LMX1B: variants seen among roughly 807,000 people sequenced by gnomAD.
LMX1B encodes the protein LIM homeobox transcription factor 1 beta, also known as LIM homeobox transcription factor 1-beta.
In LMX1B, 12 loss-of-function variants were observed where a neutral mutation model predicts 51.4. That is an observed-to-expected ratio of 0.23 (90% CI 0.15 to 0.38). The LOEUF (loss-of-function observed/expected upper bound fraction) is 0.38. Ranked by LOEUF, LMX1B falls within the 10% of genes least tolerant of loss-of-function variation. LMX1B has a pLI of 1.00. For missense variants in LMX1B, 445 were observed against 571.1 expected, an observed-to-expected ratio of 0.78 and a Z score of 2.25; for synonymous variants, 237 against 235.4, an observed-to-expected ratio of 1.01 and a Z score of -0.06.
rs10987415 is a variant in LMX1B at position 126,698,033 on chromosome 9, A to G, written c.*1582A>G. 0.4 allele frequency: 60,218 copies of G among 151,988 alleles called. 12,281 individuals are homozygous for G. Among genetic ancestry groups the G allele is most frequent in the East Asian group, 0.54 (2,776 of 5,156 alleles). 9.4% of individuals were successfully genotyped at this position (151,988 alleles called of 1,614,324 possible). A position where few individuals can be genotyped will look rare whatever the true frequency, so the allele number is the denominator to read the frequency against. ...TGAGATTACAGGCATGCGCCACCACACCCAGCTAATTTTGTATTTTTAGTA... is the reference window on the plus strand; with the variant it reads ...TGAGATTACAGGCATGCGCCACCACGCCCAGCTAATTTTGTATTTTTAGTA... On this transcript the variant is annotated 3_prime_UTR_variant, in exon 8 of 8. Coordinates refer to ENST00000373474, the MANE Select transcript of LMX1B (RefSeq NM_001174147.2).
chr9:126,619,986 T>A (rs1223100596), intron 2 of LMX1B, among the ~76,000 whole-genome samples: 4 of 152,176 alleles, frequency 2.6e-5, no homozygotes, highest in Admixed American at 2.6e-4. Flanking sequence ...AGTATTCTTA[T>A]AAGGACTTGA....
rs115378093 is a variant in LMX1B at position 126,688,379 on chromosome 9, A to C, written c.327-2457A>C. On this transcript the variant is annotated intron_variant, in intron 2 of 7. Transcript: ENST00000373474. Reference sequence around the variant, plus strand: ...TCCGGGAGTCACCCAAGGTGTGCTGACCCTGGCCTGGGACCCTGGGACCGT... The same window carrying C: ...TCCGGGAGTCACCCAAGGTGTGCTGCCCCTGGCCTGGGACCCTGGGACCGT... Among the ~76,000 whole-genome samples, 721 of 152,280 alleles carry C rather than the reference A, an allele frequency of 4.7e-3. 5 individuals are homozygous for C. Among genetic ancestry groups the C allele is most frequent in the African/African-American group, 0.017 (686 of 41,544 alleles).
chr9:126,674,764 C>G (rs1415261930), intron 2 of LMX1B, among the ~76,000 whole-genome samples: 3 of 152,190 alleles, frequency 2.0e-5, no homozygotes, highest in Admixed American at 6.5e-5. Flanking sequence ...CTCTGGTAAC[C>G]CACCCCCTCT....
intron 2 of LMX1B, among the ~76,000 whole-genome samples, chr9:126,619,771 C>A (rs192185796): frequency 6.6e-6 from 1 of 152,154 alleles, no homozygotes; most frequent in Non-Finnish European, 1.5e-5. Flanking sequence ...CTCGACTCCC[C>A]GGGCGCTGGG....
chr9:126,669,212 G>T (rs2118939852), intron 2 of LMX1B, among the ~76,000 whole-genome samples: 1 of 150,194 alleles, frequency 6.7e-6, no homozygotes, highest in South Asian at 2.1e-4. Flanking sequence ...GGACTGCCTG[G>T]ATGGTGAGGC....
intron 2 of LMX1B, among the ~76,000 whole-genome samples, chr9:126,635,175 C>T (rs767201653): frequency 1.8e-4 from 27 of 152,200 alleles, no homozygotes; most frequent in Non-Finnish European, 3.1e-4. Flanking sequence ...GGCTGGGGAG[C>T]TTCACCACCA....
At chr9:126,682,894 GAAAAAAAAAA>G (rs577172677) in intron 2 of LMX1B, among the ~76,000 whole-genome samples, 1 of 86,140 alleles carries the variant, frequency 1.2e-5, no homozygotes, top group Non-Finnish European at 2.2e-5. Context: ...CACTCTGTCT[GAAAAAAAAAA>G]AAAAAAAAAA....
At chr9:126,650,645 C>T (rs964437593) in intron 2 of LMX1B, among the ~76,000 whole-genome samples, 4 of 152,208 alleles carry the variant, frequency 2.6e-5, no homozygotes, top group African/African-American at 7.2e-5. Context: ...CCTGGCCTCT[C>T]GGCACTGCCC....
At position 126,698,719 on chromosome 9, in the gene LMX1B, C is replaced by T. The variant is rs1378278589; in HGVS notation, c.*2268C>T. 2 of 152,398 alleles carry T rather than the reference C, an allele frequency of 1.3e-5. No individual in the cohort carries two copies. The highest frequency in any genetic ancestry group is 4.8e-5 in the African/African-American group (2 of 41,452). 9.4% of individuals were successfully genotyped at this position (152,398 alleles called of 1,614,324 possible). On this transcript the variant is annotated 3_prime_UTR_variant, in exon 8 of 8. Transcript: ENST00000373474. ...TTGAGCAAGTAAGGATAATGAATGT[C>T]CCTTTTCCACCTTTGGGGCCCTCTG...
intron 2 of LMX1B, among the ~76,000 whole-genome samples, chr9:126,672,303 C>T (rs1248965350): frequency 1.3e-5 from 2 of 152,170 alleles, no homozygotes; most frequent in African/African-American, 4.8e-5. Flanking sequence ...CTTAGTTTCT[C>T]CCACGGAATA....
At chr9:126,621,258 T>C (rs1440849967) in intron 2 of LMX1B, among the ~76,000 whole-genome samples, 1 of 152,238 alleles carries the variant, frequency 6.6e-6, no homozygotes, top group Admixed American at 6.5e-5. Context: ...GATAGTCTAC[T>C]CATCCAAGGA....
At chr9:126,657,279 A>C (rs1836135604) in intron 2 of LMX1B, among the ~76,000 whole-genome samples, 1 of 152,232 alleles carries the variant, frequency 6.6e-6, no homozygotes, top group Non-Finnish European at 1.5e-5. Context: ...AAGAGAAATA[A>C]TGACATTTAA....
At chr9:126,672,829 G>A (rs1170313678) in intron 2 of LMX1B, among the ~76,000 whole-genome samples, 2 of 152,224 alleles carry the variant, frequency 1.3e-5, no homozygotes, top group Non-Finnish European at 2.9e-5. Flanking sequence ...CCTGGCAGGA[G>A]CTTCCCTCCC....
At chr9:126,687,418 CGGGGTT>C (rs551860280) in intron 2 of LMX1B, among the ~76,000 whole-genome samples, 54 of 152,040 alleles carry the variant, frequency 3.6e-4, no homozygotes, top group Non-Finnish European at 7.7e-4. Context: ...TTAGTAGAGA[CGGGGTT>C]TCACCATGTT....
In LMX1B at chr9:126,673,490, G is replaced by A. The variant is rs1350221448; in HGVS notation, c.327-17346G>A. On this transcript the variant is annotated intron_variant, in intron 2 of 7. Coordinates refer to ENST00000373474, the MANE Select transcript of LMX1B (RefSeq NM_001174147.2). The surrounding 1 kb of genome is among the most constrained non-coding windows in gnomAD (Gnocchi z 4.4). The stretch of plus-strand genomic sequence containing the variant: ...CAGGGCTCCCTCAGGTAGGGCAGAA[G>A]GTAGCTTTTGGCACCATCAGGGAGG... 1.3e-5 allele frequency among the ~76,000 whole-genome samples: 2 copies of A among 152,194 alleles called. No individual in the cohort carries two copies. Among genetic ancestry groups the A allele is most frequent in the African/African-American group, 4.8e-5 (2 of 41,456 alleles).
rs1342401825 is a variant in LMX1B, at chr9:126,614,257, C to T, written c.-193C>T. Among the ~76,000 whole-genome samples the T allele has an allele frequency of 6.9e-6, 1 of 145,910 alleles. No individual in the cohort carries two copies. The highest frequency in any genetic ancestry group is 2.5e-5 in the African/African-American group (1 of 40,734). On this transcript the variant is annotated 5_prime_UTR_variant, in exon 1 of 8. Coordinates refer to ENST00000373474, the MANE Select transcript of LMX1B (RefSeq NM_001174147.2). The stretch of plus-strand genomic sequence containing the variant: ...GAGAGCGCGGCGCGGGCTGCAGCCG[C>T]CCCGGCCCGCCCGCACGACGCCGGG...
rs1278362978 is a variant in LMX1B, at chr9:126,626,965, G to A, written c.326+11396G>A. On this transcript the variant is annotated intron_variant, in intron 2 of 7. Transcript: ENST00000373474. This position sits in a 1 kb window ranked among gnomAD's most constrained non-coding sequence, Gnocchi z 4.3. The stretch of plus-strand genomic sequence containing the variant: ...GCCGGTCCGTCCGGGCTCCTCTGCA[G>A]GGAAGAGGCCTTGGTCTTGGGGGAG... Among the ~76,000 whole-genome samples the A allele has an allele frequency of 6.6e-6, 1 of 152,210 alleles. No individual in the cohort carries two copies.
chr9:126,669,819 TC>T (rs1836417026), intron 2 of LMX1B, among the ~76,000 whole-genome samples: 1 of 152,098 alleles, frequency 6.6e-6, no homozygotes, highest in Admixed American at 6.5e-5. Context: ...AGCCCAAAGT[TC>T]CTCAGGATCT....
At chr9:126,635,315 AGAC>A (rs1835695356) in intron 2 of LMX1B, among the ~76,000 whole-genome samples, 1 of 152,244 alleles carries the variant, frequency 6.6e-6, no homozygotes, top group South Asian at 2.1e-4. Flanking sequence ...CAAGGGAGGT[AGAC>A]GGCTAGGACT....
Sources: allele counts gnomAD v4.1 joint callset (sites outside exome capture counted in the v4.1 genomes callset), GRCh38; gene constraint gnomAD v4.1.1; non-coding constraint Gnocchi (gnomAD v3.1); transcripts MANE v1.5; gene names NCBI Gene and HGNC (gene_info 2026-07-23, HGNC 2026-07-21).